The following CCSER1 variants were observed in gnomAD, a reference collection of about 807,000 sequenced individuals.
The protein encoded by CCSER1 is serine-rich coiled-coil domain-containing protein 1.
A neutral mutation model predicts 82.0 loss-of-function variants in CCSER1; 41 were observed. The ratio of observed to expected loss-of-function variants is 0.50; its 90% CI spans 0.39 to 0.65. CCSER1 has a LOEUF of 0.65. Among genes scored for constraint, CCSER1 ranks in the 30% least tolerant of loss-of-function variants. CCSER1 has a pLI of 0.00. For synonymous variants in CCSER1, 414 were observed against 383.9 expected, an observed-to-expected ratio of 1.08 and a Z score of -0.92; for missense variants, 1,119 against 1,064.2, an observed-to-expected ratio of 1.05 and a Z score of -0.72.
chr4:90,983,530 T>G (rs886256553), intron 9 of CCSER1, among the ~76,000 whole-genome samples: 1 of 151,710 alleles, frequency 6.6e-6, no homozygotes, highest in Non-Finnish European at 1.5e-5. Flanking sequence ...TAGAAATACC[T>G]GAGAGTCCTG....
chr4:91,347,511 C>T (rs1490433844), intron 10 of CCSER1, among the ~76,000 whole-genome samples: 2 of 151,796 alleles, frequency 1.3e-5, no homozygotes, highest in African/African-American at 4.8e-5. Flanking sequence ...CAAAATGACT[C>T]ACTGAGATTT....
At chr4:91,521,770 C>A (rs1197617579) in intron 10 of CCSER1, among the ~76,000 whole-genome samples, 2 of 152,160 alleles carry the variant, frequency 1.3e-5, no homozygotes, top group African/African-American at 4.8e-5. Flanking sequence ...TTTGTAGATT[C>A]TGGATATTAG....
intron 8 of CCSER1, among the ~76,000 whole-genome samples, chr4:90,880,945 C>T (rs1443462660): frequency 6.6e-6 from 1 of 151,640 alleles, no homozygotes; most frequent in Non-Finnish European, 1.5e-5. Flanking sequence ...TTAGATGTTT[C>T]AGTTGAAGGT....
At chr4:90,363,063 A>G (rs186948264) in intron 3 of CCSER1, among the ~76,000 whole-genome samples, 103 of 152,276 alleles carry the variant, frequency 6.8e-4, no homozygotes, top group Non-Finnish European at 1.2e-3. Context: ...AATCCACACA[A>G]TAATTCTGTT....
At chr4:90,156,545 A>G (rs1281042485) in intron 1 of CCSER1, among the ~76,000 whole-genome samples, 4 of 152,104 alleles carry the variant, frequency 2.6e-5, no homozygotes, top group African/African-American at 9.7e-5. Context: ...TGCTTTATGA[A>G]TCTGGGTGCT....
intron 10 of CCSER1, among the ~76,000 whole-genome samples, chr4:91,401,657 T>G (rs968937116): frequency 6.6e-6 from 1 of 152,118 alleles, no homozygotes; most frequent in Non-Finnish European, 1.5e-5. Flanking sequence ...GTGTTTTATT[T>G]TCTGTCCTTG....
chr4:91,125,511 A>G (rs1033457313), intron 10 of CCSER1, among the ~76,000 whole-genome samples: 2 of 151,748 alleles, frequency 1.3e-5, no homozygotes, highest in Non-Finnish European at 3.0e-5. Context: ...TGTTTGCTTT[A>G]CAAGAGGATG....
chr4:91,306,834 A>G (rs960769976), intron 10 of CCSER1, among the ~76,000 whole-genome samples: 1 of 152,058 alleles, frequency 6.6e-6, no homozygotes, highest in African/African-American at 2.4e-5. Flanking sequence ...CAACTTTTAC[A>G]AAACTTTTAG....
At chr4:91,237,705 GA>G (rs1481190106) in intron 10 of CCSER1, among the ~76,000 whole-genome samples, 1 of 152,178 alleles carries the variant, frequency 6.6e-6, no homozygotes, top group African/African-American at 2.4e-5. Flanking sequence ...ATTGGGGAGA[GA>G]GAGAGAGACA....
chr4:90,824,068 CATT>C (rs1760117463), intron 8 of CCSER1, among the ~76,000 whole-genome samples: 1 of 151,776 alleles, frequency 6.6e-6, no homozygotes, highest in Admixed American at 6.6e-5. Flanking sequence ...ATAGATACAT[CATT>C]GAGTTGAACA....
intron 10 of CCSER1, among the ~76,000 whole-genome samples, chr4:91,422,203 A>C (rs1165069873): frequency 1.3e-5 from 2 of 152,058 alleles, no homozygotes; most frequent in Non-Finnish European, 2.9e-5. Flanking sequence ...TGTTTCTGGT[A>C]ATTTGTTACA....
intron 10 of CCSER1, among the ~76,000 whole-genome samples, chr4:91,509,944 C>T (rs1307324829): frequency 6.6e-6 from 1 of 152,038 alleles, no homozygotes; most frequent in Non-Finnish European, 1.5e-5. Flanking sequence ...TACGATTGAT[C>T]CTGTCACCGA....
chr4:91,044,981 G>A (rs76050776), intron 9 of CCSER1, among the ~76,000 whole-genome samples: 41 of 152,200 alleles, frequency 2.7e-4, no homozygotes, highest in Admixed American at 4.6e-4. Flanking sequence ...GAACTTATTG[G>A]CTCTACCTCT....
chr4:90,592,787 A>C (rs556401069), intron 5 of CCSER1, among the ~76,000 whole-genome samples: 1 of 152,210 alleles, frequency 6.6e-6, no homozygotes, highest in South Asian at 2.1e-4. Flanking sequence ...GAAGTCCCTA[A>C]TACAGCACTC....
intron 10 of CCSER1, among the ~76,000 whole-genome samples, chr4:91,201,490 A>G (rs1050248561): frequency 1.3e-5 from 2 of 152,120 alleles, no homozygotes; most frequent in African/African-American, 4.8e-5. Context: ...GAATTAAATG[A>G]ATTAAATGAA....
intron 4 of CCSER1, among the ~76,000 whole-genome samples, chr4:90,441,742 C>T (rs1200706558): frequency 4.6e-5 from 7 of 152,182 alleles, no homozygotes; most frequent in South Asian, 2.1e-4. Flanking sequence ...CCACAAGTAC[C>T]TCGTGTCTGT....
At chr4:91,048,205 G>A (rs1031330345) in intron 9 of CCSER1, among the ~76,000 whole-genome samples, 2 of 151,792 alleles carry the variant, frequency 1.3e-5, no homozygotes, top group Non-Finnish European at 2.9e-5. Flanking sequence ...CAAGATAGAT[G>A]GCAGTGACTA....
At chr4:90,477,615 C>T (rs2153595187) in intron 5 of CCSER1, among the ~76,000 whole-genome samples, 1 of 151,190 alleles carries the variant, frequency 6.6e-6, no homozygotes, top group African/African-American at 2.4e-5. Flanking sequence ...ATTATTTGCC[C>T]ATTTTTAAAA....
At chr4:91,009,457 A>C (rs1738821650) in intron 9 of CCSER1, among the ~76,000 whole-genome samples, 2 of 152,048 alleles carry the variant, frequency 1.3e-5, no homozygotes, top group African/African-American at 2.4e-5. Flanking sequence ...TTAAAGGTGG[A>C]TGCAGTCACC....
Sources: gnomAD v4.1 joint callset for allele counts (sites outside exome capture counted in the v4.1 genomes callset) on GRCh38, gnomAD v4.1.1 for gene constraint, MANE v1.5 for transcripts, NCBI Gene and HGNC (gene_info 2026-07-23, HGNC 2026-07-21) for gene names.